CRADD: variants seen among roughly 807,000 people sequenced by gnomAD.
CRADD encodes death domain-containing protein CRADD.
In CRADD, 9 loss-of-function variants were observed where a neutral mutation model predicts 15.5. The ratio of observed to expected loss-of-function variants is 0.58; its 90% confidence interval spans 0.35 to 1.01. The LOEUF (loss-of-function observed/expected upper bound fraction) is 1.01. Among genes scored for constraint, CRADD ranks in the 50% least tolerant of loss-of-function variants. The pLI, the probability that CRADD is intolerant of heterozygous loss-of-function variation, is 0.02. For missense variants in CRADD, 227 were observed against 250.3 expected, an observed-to-expected ratio of 0.91 and a Z score of 0.63; for synonymous variants, 118 against 107.6, an observed-to-expected ratio of 1.10 and a Z score of -0.60.
chr12:93,824,838 A>G lies in CRADD; in HGVS notation c.299-25132A>G, dbSNP rs1385028860. Among the ~76,000 whole-genome samples the G allele has an allele frequency of 2.0e-5, 3 of 152,198 alleles. No individual in the cohort carries two copies. The highest frequency in any genetic ancestry group is 6.5e-5 in the Admixed American group (1 of 15,274). On this transcript the variant is annotated intron_variant, in intron 2 of 2. Transcript: ENST00000332896. This position sits in a 1 kb window ranked among gnomAD's most constrained non-coding sequence, Gnocchi z 4.3. ...CAGGAGGTAAAAGCTGCCCCTGGAC[A>G]GAGTGAAGCATGCAGAGGGAGGCGG... is the stretch of plus-strand genomic sequence containing the variant.
intron 2 of CRADD, among the ~76,000 whole-genome samples, chr12:93,752,755 G>A (rs960987490): frequency 1.1e-4 from 16 of 152,210 alleles, no homozygotes; most frequent in Admixed American, 2.6e-4. Flanking sequence ...ATGGCAGAAG[G>A]TGAAGGAAGA....
At chr12:93,706,845 T>C (rs1955961960) in intron 2 of CRADD, among the ~76,000 whole-genome samples, 1 of 152,220 alleles carries the variant, frequency 6.6e-6, no homozygotes, top group Non-Finnish European at 1.5e-5. Context: ...TATGATAGAA[T>C]TGTGCATTTC....
At chr12:93,742,078 C>T (rs1445823687) in intron 2 of CRADD, among the ~76,000 whole-genome samples, 8 of 152,172 alleles carry the variant, frequency 5.3e-5, no homozygotes, top group Admixed American at 4.6e-4. Context: ...CTCAAACCAC[C>T]TCGAAAAGAA....
At chr12:93,893,348 A>C (rs184925243) in intron 2 of CRADD, among the ~76,000 whole-genome samples, 1 of 152,126 alleles carries the variant, frequency 6.6e-6, no homozygotes, top group East Asian at 1.9e-4. Flanking sequence ...CCCTTCCCTC[A>C]TTACTTTCTG....
intron 2 of CRADD, among the ~76,000 whole-genome samples, chr12:93,883,952 G>C (rs1296827098): frequency 6.6e-6 from 1 of 152,220 alleles, no homozygotes; most frequent in Non-Finnish European, 1.5e-5. Flanking sequence ...GGCTTCTCAG[G>C]ATGTGGCAAG....
chr12:93,825,905 C>G (rs968384881), intron 2 of CRADD, among the ~76,000 whole-genome samples: 1 of 152,198 alleles, frequency 6.6e-6, no homozygotes, highest in Non-Finnish European at 1.5e-5. Flanking sequence ...TTAATACAAG[C>G]ACAGTTCCTT....
In CRADD at chr12:93,837,449, A is replaced by G. The variant is rs570769768; in HGVS notation, c.299-12521A>G. 8.6e-5 allele frequency: 13 copies of G among 151,968 alleles called. 1 individual carries two copies. The highest frequency in any genetic ancestry group is 2.9e-4 in the African/African-American group (12 of 41,462). The allele number at this position is 151,968 out of a possible 1,614,324, so 9.4% of individuals were successfully genotyped here. A position where few individuals can be genotyped will look rare whatever the true frequency, so the allele number is the denominator to read the frequency against. ...CGCCCAGCTAATTTTTGTATTTTTAATAGAGACAGGTTTTCACCATGTTGG... is the reference window on the plus strand; with the variant it reads ...CGCCCAGCTAATTTTTGTATTTTTAGTAGAGACAGGTTTTCACCATGTTGG... On this transcript the variant is annotated intron_variant, in intron 2 of 2. Coordinates refer to ENST00000332896, the MANE Select transcript of CRADD (RefSeq NM_003805.5).
chr12:93,698,380 A>G (rs559611318), intron 2 of CRADD, among the ~76,000 whole-genome samples: 2 of 152,306 alleles, frequency 1.3e-5, no homozygotes, highest in Non-Finnish European at 2.9e-5. Context: ...AAGTATATAT[A>G]CTTTTTTCTT....
intron 2 of CRADD, among the ~76,000 whole-genome samples, chr12:93,840,608 C>T (rs1053356297): frequency 1.3e-5 from 2 of 151,426 alleles, no homozygotes; most frequent in Non-Finnish European, 2.9e-5. Flanking sequence ...CTCTTGTTGC[C>T]CAGGCTGGAG....
intron 2 of CRADD, among the ~76,000 whole-genome samples, chr12:93,704,766 C>T (rs917319463): frequency 1.3e-5 from 2 of 152,184 alleles, no homozygotes; most frequent in Non-Finnish European, 2.9e-5. Context: ...CTGGCTTCTT[C>T]AGTCACATCT....
At chr12:93,866,913 T>A (rs1403836629) in intron 2 of CRADD, among the ~76,000 whole-genome samples, 1 of 152,194 alleles carries the variant, frequency 6.6e-6, no homozygotes, top group Non-Finnish European at 1.5e-5. Context: ...TGCCTTCAAC[T>A]GTGCCATGTA....
chr12:93,693,057 T>G lies in CRADD; in HGVS notation c.298+13985T>G, dbSNP rs186169926. On this transcript the variant is annotated intron_variant, in intron 2 of 2. Transcript: ENST00000332896. ...CTGTTTATAAAATGTTTTTGTAAGC[T>G]TCATGGTAACCATAAAACAAAAACC... Among the ~76,000 whole-genome samples the G allele has an allele frequency of 1.8e-3, 270 of 152,240 alleles. 4 individuals carry two copies. Among genetic ancestry groups the G allele is most frequent in the African/African-American group, 6.1e-3 (253 of 41,554 alleles).
At chr12:93,705,529 A>G (rs1411167890) in intron 2 of CRADD, among the ~76,000 whole-genome samples, 2 of 152,206 alleles carry the variant, frequency 1.3e-5, no homozygotes, top group African/African-American at 2.4e-5. Flanking sequence ...CCTCATCAGC[A>G]GTGCTTTTGC....
At chr12:93,700,641 A>G (rs1053322313) in intron 2 of CRADD, among the ~76,000 whole-genome samples, 3 of 152,140 alleles carry the variant, frequency 2.0e-5, no homozygotes, top group African/African-American at 7.2e-5. Context: ...CTTGTTAGCC[A>G]GGCTGGTCTC....
chr12:93,855,163 C>G (rs76493033), downstream of CRADD, among the ~76,000 whole-genome samples: 236 of 152,100 alleles, frequency 1.6e-3, no homozygotes, highest in African/African-American at 5.5e-3. Context: ...CCACTTCACT[C>G]GAGTCTCGGA....
intron 2 of CRADD, among the ~76,000 whole-genome samples, chr12:93,838,760 T>C (rs1373456546): frequency 6.6e-6 from 1 of 151,980 alleles, no homozygotes; most frequent in Non-Finnish European, 1.5e-5. Flanking sequence ...ACATACATTC[T>C]TTTTTGTTTT....
intron 2 of CRADD, among the ~76,000 whole-genome samples, chr12:93,693,752 C>A (rs1955631129): frequency 6.6e-6 from 1 of 152,006 alleles, no homozygotes; most frequent in Non-Finnish European, 1.5e-5. Context: ...ATGGACCTAA[C>A]AGACATTTAC....
At chr12:93,867,311 TGTTA>T (rs1021116641) in intron 2 of CRADD, among the ~76,000 whole-genome samples, 2 of 149,114 alleles carry the variant, frequency 1.3e-5, no homozygotes, top group African/African-American at 5.0e-5. Context: ...CCTTCCTGTA[TGTTA>T]GTTAGTGGGG....
intron 2 of CRADD, among the ~76,000 whole-genome samples, chr12:93,756,789 G>A (rs577386320): frequency 8.0e-4 from 122 of 152,272 alleles, no homozygotes; most frequent in African/African-American, 2.9e-3. Flanking sequence ...TAACTTCTTG[G>A]CACATCAGGT....
Sources: gnomAD v4.1 joint callset for allele counts (sites outside exome capture counted in the v4.1 genomes callset) on GRCh38, gnomAD v4.1.1 for gene constraint, Gnocchi (gnomAD v3.1) non-coding constraint, MANE v1.5 for transcripts, NCBI Gene and HGNC (gene_info 2026-07-23, HGNC 2026-07-21) for gene names.